GLYR1: variants seen among roughly 807,000 people sequenced by gnomAD.
GLYR1 encodes glyoxylate reductase 1 homolog, also known as cytokine-like nuclear factor N-PAC.
Under a neutral mutation model 72.7 loss-of-function variants are expected in GLYR1, and 21 were observed. The ratio of observed to expected loss-of-function variants is 0.29; its 90% CI spans 0.20 to 0.42. The LOEUF is 0.42. Ranked by LOEUF, GLYR1 falls within the 10% of genes least tolerant of loss-of-function variation. The pLI, the probability that GLYR1 is intolerant of heterozygous loss-of-function variation, is 1.00. For missense variants in GLYR1, 594 were observed against 712.1 expected (o/e 0.83, Z 1.89); for synonymous variants, 392 against 270.2 (o/e 1.45, Z -4.42).
chr16:4,840,626 T>G (rs1418337167), intron 3 of GLYR1, among the ~76,000 whole-genome samples: 1 of 152,144 alleles, frequency 6.6e-6, no homozygotes, highest in East Asian at 1.9e-4. Context: ...CAATGTGTGC[T>G]AATACCTGCT....
chr16:4,807,074 G>A (rs1186952153), intron 15 of GLYR1, among the ~76,000 whole-genome samples: 3 of 149,670 alleles, frequency 2.0e-5, no homozygotes, highest in Non-Finnish European at 4.4e-5. Flanking sequence ...CCAAAGTGCT[G>A]GGATTACAGG....
intron 3 of GLYR1, among the ~76,000 whole-genome samples, chr16:4,836,803 T>C (rs1162231007): frequency 6.8e-6 from 1 of 147,264 alleles, no homozygotes; most frequent in Non-Finnish European, 1.5e-5. Flanking sequence ...GGTGAACACA[T>C]ATTATATTGG....
chr16:4,830,696 T>C (rs543205264), intron 5 of GLYR1, among the ~76,000 whole-genome samples: 1 of 152,202 alleles, frequency 6.6e-6, no homozygotes, highest in Admixed American at 6.5e-5. Flanking sequence ...ACCGCGTTCC[T>C]GACACAGTCC....
At chr16:4,836,133 G>C (rs980581106) in intron 3 of GLYR1, among the ~76,000 whole-genome samples, 10 of 152,098 alleles carry the variant, frequency 6.6e-5, no homozygotes. Context: ...ATGCTTTTCA[G>C]TTGGCGCCTC....
intron 5 of GLYR1, among the ~76,000 whole-genome samples, chr16:4,828,904 G>A (rs192716475): frequency 1.3e-5 from 2 of 152,100 alleles, no homozygotes; most frequent in Admixed American, 1.3e-4. Context: ...TTCCAGGGTG[G>A]CACAGGCACC....
chr16:4,822,403 T>A (rs2084092835), intron 7 of GLYR1, among the ~76,000 whole-genome samples: 1 of 151,610 alleles, frequency 6.6e-6, no homozygotes, highest in South Asian at 2.1e-4. Context: ...TTTATTTATC[T>A]TTTTTGAGAC....
At chr16:4,829,016 A>T (rs1038391981) in intron 5 of GLYR1, among the ~76,000 whole-genome samples, 1 of 152,124 alleles carries the variant, frequency 6.6e-6, no homozygotes, top group Non-Finnish European at 1.5e-5. Context: ...TAAACTCAGA[A>T]GTCACATTAC....
At chr16:4,846,063 C>T in intron 2 of GLYR1, 111 bp downstream of exon 2, 3 of 1,210,878 alleles carry the variant, frequency 2.5e-6, no homozygotes, top group Non-Finnish European at 3.7e-6. Flanking sequence ...TAAGTGCCAT[C>T]TGAATGAGCC....
Position 4,805,191 on chromosome 16 carries a change from G to A in GLYR1, c.*45C>T, listed in dbSNP as rs766485678. ...CCCCCGACCCCATGTGAGGAAGAGG[G>A]GGTCAGAGGGGGGATTGGAGGGGTG... On this transcript the variant is annotated 3_prime_UTR_variant, in exon 16 of 16. Transcript: ENST00000321919. 18 of 1,532,678 alleles carry A rather than the reference G, an allele frequency of 1.2e-5. No homozygotes were observed. The African/African-American group carries it at 1.6e-4, about 14-fold the overall frequency. 94.9% of individuals were successfully genotyped at this position (1,532,678 alleles called of 1,614,324 possible).
At position 4,814,623 on chromosome 16, in the gene GLYR1, C is replaced by G; in HGVS notation, c.931G>C (p.Ala311Pro). The G allele has an allele frequency of 6.2e-7, 1 of 1,614,004 alleles. No individual in the cohort carries two copies. Among genetic ancestry groups the G allele is most frequent in the Non-Finnish European group, 8.5e-7 (1 of 1,179,870 alleles). The change falls in exon 11 of 16, where the codon GCC becomes CCC. Residue 311 changes from alanine to proline, a missense_variant. By Grantham distance (27) the Ala-to-Pro change is conservative. Around this residue, in one of 5 missense-constraint regions of GLYR1, gnomAD observed 266 missense variants for 358.4 expected, o/e 0.74. Coordinates refer to ENST00000321919, the MANE Select transcript of GLYR1 (RefSeq NM_032569.4). Reference sequence around the variant, plus strand: ...TCAGCGGGGGTTCTTCCCAGACGGGCCCCCTCCTGGATGAACAAATCACAC... The same window carrying G: ...TCAGCGGGGGTTCTTCCCAGACGGGGCCCCTCCTGGATGAACAAATCACAC... ...EKCDLFIQEG[A>P]RLGRTPAEVV...
At position 4,831,983 on chromosome 16, in the gene GLYR1, T is replaced by C. The variant is rs147784275; in HGVS notation, c.533A>G (p.Glu178Gly). ...PRKRGRPPKD[E>G]KDLTIPESST... ...AGCTGCAGAGAGAAAACAAACCTTC[T>C]CATCCTTTGGGGGCCGACCCCGCTT... The change falls in exon 5 of 16, where the codon GAG becomes GGG. Residue 178 changes from glutamate to glycine, a missense_variant. This residue lies in a region of GLYR1 where 252 missense variants were observed against 211.3 expected (regional missense o/e 1.19). Transcript: ENST00000321919. 6.2e-7 allele frequency: 1 copy of C among 1,613,034 alleles called. No homozygotes were observed. The highest frequency in any genetic ancestry group is 8.5e-7 in the Non-Finnish European group (1 of 1,179,602).
chr16:4,804,095 G>A lies in GLYR1; in HGVS notation c.*1141C>T, dbSNP rs1167999339. Reference sequence around the variant, plus strand: ...GATGCTGGCTGGAGTGAAGACACTCGTTTCCGTATCAAGAGCTGAGCCTAA... The same window carrying A: ...GATGCTGGCTGGAGTGAAGACACTCATTTCCGTATCAAGAGCTGAGCCTAA... On this transcript the variant is annotated 3_prime_UTR_variant, in exon 16 of 16. Coordinates refer to ENST00000321919, the MANE Select transcript of GLYR1 (RefSeq NM_032569.4). 2.0e-5 allele frequency: 3 copies of A among 152,230 alleles called. No individual in the cohort carries two copies. Among genetic ancestry groups the A allele is most frequent in the African/African-American group, 4.8e-5 (2 of 41,424 alleles). The allele number at this position is 152,230 out of a possible 1,614,324, so 9.4% of individuals were successfully genotyped here. A position where few individuals can be genotyped will look rare whatever the true frequency, so the allele number is the denominator to read the frequency against.
At chr16:4,815,667 G>A (rs2083590656) in intron 10 of GLYR1, among the ~76,000 whole-genome samples, 1 of 152,164 alleles carries the variant, frequency 6.6e-6, no homozygotes, top group Non-Finnish European at 1.5e-5. Context: ...AAGATCACCA[G>A]CAAGCTCTCC....
intron 3 of GLYR1, among the ~76,000 whole-genome samples, chr16:4,836,813 GA>G (rs111581519): frequency 0.04 from 4,771 of 118,944 alleles, 152 homozygotes; most frequent in African/African-American, 0.11. Flanking sequence ...TATTATATTG[GA>G]AAAAAAAAAA....
At chr16:4,825,007 G>T (rs961422255) in intron 5 of GLYR1, among the ~76,000 whole-genome samples, 1 of 152,058 alleles carries the variant, frequency 6.6e-6, no homozygotes, top group Admixed American at 6.6e-5. Context: ...TACAGTTGGC[G>T]ATCTGCCCAA....
intron 15 of GLYR1, among the ~76,000 whole-genome samples, chr16:4,809,652 G>T (rs950535754): frequency 6.6e-6 from 1 of 151,194 alleles, no homozygotes; most frequent in Non-Finnish European, 1.5e-5. Flanking sequence ...AGCTGGTTGT[G>T]GTGGTTCATG....
At chr16:4,808,372 G>C (rs976916897) in intron 15 of GLYR1, among the ~76,000 whole-genome samples, 3 of 152,160 alleles carry the variant, frequency 2.0e-5, no homozygotes, top group African/African-American at 7.2e-5. Flanking sequence ...TGAGGTGGGT[G>C]GATCACCTGA....
chr16:4,834,012 T>C (rs944550529), intron 3 of GLYR1, among the ~76,000 whole-genome samples: 7 of 152,242 alleles, frequency 4.6e-5, no homozygotes, highest in Admixed American at 3.3e-4. Context: ...TTCAGGTTGT[T>C]TTCTTCATAG....
chr16:4,831,390 G>A (rs531770035), intron 5 of GLYR1, among the ~76,000 whole-genome samples: 3 of 152,202 alleles, frequency 2.0e-5, no homozygotes, highest in South Asian at 2.1e-4. Context: ...TTAGTACCAC[G>A]CTGCTTCAGT....
Sources: gnomAD v4.1 joint callset for allele counts (sites outside exome capture counted in the v4.1 genomes callset) on GRCh38, gnomAD v4.1.1 for gene constraint, gnomAD v4.1.1 regional missense constraint, MANE v1.5 for transcripts, NCBI Gene and HGNC (gene_info 2026-07-23, HGNC 2026-07-21) for gene names.